SP100: variants seen among roughly 807,000 people sequenced by gnomAD.
SP100 encodes nuclear autoantigen Sp-100.
Under a neutral mutation model 130.0 loss-of-function variants are expected in SP100, and 84 were observed. That is an observed-to-expected ratio of 0.65 (90% CI 0.54 to 0.77). The LOEUF is 0.77. Ranked by LOEUF, SP100 falls within the 30% of genes least tolerant of loss-of-function variation. The pLI is 0.00. For synonymous variants in SP100, 331 were observed against 351.7 expected, an observed-to-expected ratio of 0.94 and a Z score of 0.66; for missense variants, 978 against 1,052.2, an observed-to-expected ratio of 0.93 and a Z score of 0.97.
At chr2:230,424,668 CAA>C (rs770362175) in intron 2 of SP100, among the ~76,000 whole-genome samples, 6 of 111,704 alleles carry the variant, frequency 5.4e-5, no homozygotes, top group Non-Finnish European at 3.7e-5. Context: ...GACTCCATCT[CAA>C]AAAAAAAAAA....
intron 2 of SP100, among the ~76,000 whole-genome samples, chr2:230,428,106 C>T (rs550818722): frequency 3.0e-4 from 46 of 152,242 alleles, no homozygotes; most frequent in Middle Eastern, 6.8e-3. Context: ...TGGCATGTGC[C>T]TGTAGTCCCA....
intron 24 of SP100, chr2:230,515,724 T>G (rs1690880955): frequency 2.0e-6 from 3 of 1,523,846 alleles, no homozygotes; most frequent in Non-Finnish European, 2.6e-6. Context: ...GAAAAAAACT[T>G]CAACGTAAGA....
chr2:230,488,159 G>A (rs59791288), intron 17 of SP100, among the ~76,000 whole-genome samples: 1,571 of 152,164 alleles, frequency 0.01, 27 homozygotes, highest in African/African-American at 0.036. Context: ...CCCCTCTCCC[G>A]ATTTGAATAG....
Position 230,486,536 on chromosome 2 carries a change from T to C in SP100, c.1601-7880T>C, listed in dbSNP as rs181707139. On this transcript the variant is annotated intron_variant, in intron 17 of 28. Coordinates refer to ENST00000340126, the MANE Select transcript of SP100 (RefSeq NM_001080391.2). ...CTTTTTATGGCTGCATAGTAGTCCA[T>C]GGTGTAGATGTACCACATTTTCTTT... Among the ~76,000 whole-genome samples the C allele has an allele frequency of 8.5e-5, 13 of 152,352 alleles. No homozygotes were observed. The East Asian group carries it at 2.3e-3, about 27-fold the overall frequency.
At chr2:230,438,670 C>T (rs2063374883) in intron 2 of SP100, among the ~76,000 whole-genome samples, 1 of 151,304 alleles carries the variant, frequency 6.6e-6, no homozygotes, top group African/African-American at 2.4e-5. Context: ...CACACACACA[C>T]ACACACACAC....
At chr2:230,447,832 C>T (rs755428636) in intron 5 of SP100, among the ~76,000 whole-genome samples, 5 of 152,130 alleles carry the variant, frequency 3.3e-5, no homozygotes, top group Non-Finnish European at 5.9e-5. Context: ...ATTAAGTTAA[C>T]CTCCATCCCT....
chr2:230,467,575 A>G (rs1356392912), intron 13 of SP100, among the ~76,000 whole-genome samples: 1 of 152,222 alleles, frequency 6.6e-6, no homozygotes, highest in Non-Finnish European at 1.5e-5. Flanking sequence ...CACGTCTCAC[A>G]TGGTGGCAGA....
chr2:230,436,861 C>CACACGT (rs1343661380), intron 2 of SP100, among the ~76,000 whole-genome samples: 1 of 152,090 alleles, frequency 6.6e-6, no homozygotes, highest in Non-Finnish European at 1.5e-5. Context: ...TATGTGAACA[C>CACACGT]ATATGTATAT....
At chr2:230,527,522 A>G (rs1691487579) in intron 24 of SP100, among the ~76,000 whole-genome samples, 1 of 152,164 alleles carries the variant, frequency 6.6e-6, no homozygotes, top group Non-Finnish European at 1.5e-5. Flanking sequence ...ATCAATCAAC[A>G]GGCAAAATAA....
chr2:230,446,969 T>G, intron 5 of SP100, 67 bp downstream of exon 5: 1 of 919,142 alleles, frequency 1.1e-6, no homozygotes, highest in Non-Finnish European at 1.7e-6. Flanking sequence ...GAGTGGAGAT[T>G]GTGAATCAGG....
chr2:230,498,407 T>C, intron 18 of SP100, 54 bp from the exon 19 acceptor site: 2 of 1,123,182 alleles, frequency 1.8e-6, no homozygotes, highest in Non-Finnish European at 2.5e-6. Context: ...AGCACTATTA[T>C]ATATAATGTG....
intron 9 of SP100, among the ~76,000 whole-genome samples, chr2:230,461,712 G>GCTAA (rs1013377138): frequency 7.2e-5 from 11 of 152,122 alleles, no homozygotes; most frequent in African/African-American, 2.4e-4. Flanking sequence ...ACTTTGTGAG[G>GCTAA]CTAAGGCAGG....
At chr2:230,427,203 C>A (rs544391338) in intron 2 of SP100, among the ~76,000 whole-genome samples, 3 of 152,134 alleles carry the variant, frequency 2.0e-5, no homozygotes, top group East Asian at 1.9e-4. Flanking sequence ...ACTCTGTCAC[C>A]CAGGTTGGAG....
chr2:230,461,346 T>A lies in SP100; in HGVS notation c.905T>A (p.Phe302Tyr), dbSNP rs757941812. The A allele has an allele frequency of 1.2e-5, 19 of 1,613,996 alleles. No homozygotes were observed. The highest frequency in any genetic ancestry group is 5.0e-5 in the Admixed American group (3 of 60,002). ...RLVDIKKEKP[F>Y]SNSKVECQAQ... The stretch of plus-strand genomic sequence containing the variant: ...GTGGATATAAAAAAGGAAAAGCCAT[T>A]TTCTAATTCAAAAGTTGAGTGCCAA... The change falls in exon 9 of 29, where the codon TTT becomes TAT. Residue 302 changes from phenylalanine (F) to tyrosine (Y), a missense_variant. Transcript: ENST00000340126.
intron 1 of SP100, chr2:230,416,764 T>G: frequency 1.0e-6 from 1 of 987,816 alleles, no homozygotes; most frequent in East Asian, 1.1e-4. Context: ...TCAGACGCTG[T>G]GGTCTCACCT....
Position 230,443,059 on chromosome 2 carries a change from G to A in SP100, c.230G>A (p.Gly77Asp), listed in dbSNP as rs753213763. Residue 77 changes from glycine to aspartate, a missense_variant, in exon 3 of 29, where the codon GGC becomes GAC. Gly to Asp is a moderately conservative substitution (Grantham distance 94). Coordinates refer to ENST00000340126, the MANE Select transcript of SP100 (RefSeq NM_001080391.2). Reference protein sequence around the residue: ...AIKKTFPFLEGLRDRDLITNK... With the variant: ...AIKKTFPFLEDLRDRDLITNK... The stretch of plus-strand genomic sequence containing the variant: ...AAAAAGACATTTCCATTCCTCGAGG[G>A]CCTCCGTGATCGTGATCTCATCACA... 1 of 1,614,000 alleles carries A rather than the reference G, an allele frequency of 6.2e-7. No individual in the cohort carries two copies. The highest frequency in any genetic ancestry group is 8.5e-7 in the Non-Finnish European group (1 of 1,179,920).
chr2:230,426,872 G>A (rs1160325093), intron 2 of SP100, among the ~76,000 whole-genome samples: 1 of 152,058 alleles, frequency 6.6e-6, no homozygotes, highest in Non-Finnish European at 1.5e-5. Flanking sequence ...ACATTGTATT[G>A]CTGTTTCTTT....
Position 230,471,346 on chromosome 2 carries a change from C to T in SP100, c.1429+1248C>T, listed in dbSNP as rs146334692. ...ATATAGGTGTATTTTTTTGTCAGTC[C>T]GTTTAAGCTCTGAAAATAGTTCAGC... On this transcript the variant is annotated intron_variant, in intron 15 of 28. Transcript: ENST00000340126. Among the ~76,000 whole-genome samples the T allele has an allele frequency of 3.5e-3, 535 of 152,158 alleles. 5 individuals are homozygous for T. Among genetic ancestry groups the T allele is most frequent in the Non-Finnish European group, 2.9e-3 (199 of 67,980 alleles).
chr2:230,437,901 T>C (rs2063343065), intron 2 of SP100, among the ~76,000 whole-genome samples: 1 of 152,182 alleles, frequency 6.6e-6, no homozygotes, highest in South Asian at 2.1e-4. Flanking sequence ...AAATCACTCA[T>C]TAATTTATCC....
Sources: gnomAD v4.1 joint callset for allele counts (sites outside exome capture counted in the v4.1 genomes callset) on GRCh38, gnomAD v4.1.1 for gene constraint, MANE v1.5 for transcripts, NCBI Gene and HGNC (gene_info 2026-07-23, HGNC 2026-07-21) for gene names.